GALNTL6: variants seen among roughly 807,000 people sequenced by gnomAD.
GALNTL6 encodes the protein polypeptide N-acetylgalactosaminyltransferase-like 6.
In GALNTL6, 46 loss-of-function variants were observed where a neutral mutation model predicts 73.7. The ratio of observed to expected loss-of-function variants is 0.62; its 90% CI spans 0.49 to 0.80. The LOEUF (loss-of-function observed/expected upper bound fraction) is 0.80. Among genes scored for constraint, GALNTL6 ranks in the 30% least tolerant of loss-of-function variants. The pLI is 0.00. For synonymous variants in GALNTL6, 259 were observed against 263.7 expected, an observed-to-expected ratio of 0.98 and a Z score of 0.17; for missense variants, 604 against 755.0, an observed-to-expected ratio of 0.80 and a Z score of 2.34.
chr4:172,915,204 G>C (rs1216086611), intron 8 of GALNTL6, among the ~76,000 whole-genome samples: 1 of 152,134 alleles, frequency 6.6e-6, no homozygotes, highest in Non-Finnish European at 1.5e-5. Flanking sequence ...AAACCAATGA[G>C]AACAAAGACA....
At chr4:172,719,352 C>A (rs1735309851) in intron 5 of GALNTL6, among the ~76,000 whole-genome samples, 1 of 152,114 alleles carries the variant, frequency 6.6e-6, no homozygotes, top group South Asian at 2.1e-4. Context: ...CAACCAAGAA[C>A]CAATTATAAT....
intron 5 of GALNTL6, among the ~76,000 whole-genome samples, chr4:172,635,498 C>CT (rs772843307): frequency 1.1e-4 from 17 of 152,026 alleles, no homozygotes; most frequent in Non-Finnish European, 2.2e-4. Context: ...ACCCATTAAT[C>CT]TGTCTTCCCC....
At chr4:172,776,924 A>T (rs1459058531) in intron 5 of GALNTL6, among the ~76,000 whole-genome samples, 1 of 152,168 alleles carries the variant, frequency 6.6e-6, no homozygotes, top group Non-Finnish European at 1.5e-5. Flanking sequence ...ACGCATTTCT[A>T]CTATAGTGGA....
intron 5 of GALNTL6, among the ~76,000 whole-genome samples, chr4:172,349,231 A>C (rs1240104220): frequency 2.0e-5 from 3 of 152,148 alleles, no homozygotes; most frequent in Non-Finnish European, 4.4e-5. Flanking sequence ...ATCTTACAAA[A>C]TTTAGCATAA....
intron 5 of GALNTL6, among the ~76,000 whole-genome samples, chr4:172,376,674 C>A (rs1171879066): frequency 6.6e-6 from 1 of 152,102 alleles, no homozygotes; most frequent in African/African-American, 2.4e-5. Context: ...ATGGTACTCA[C>A]CGCTTGGCGA....
intron 2 of GALNTL6, among the ~76,000 whole-genome samples, chr4:172,019,557 A>G (rs529788461): frequency 6.6e-6 from 1 of 152,272 alleles, no homozygotes; most frequent in Admixed American, 6.5e-5. Flanking sequence ...GACAAAAACT[A>G]TCAGAAAAGA....
chr4:172,658,466 C>CAAAA (rs1207091609), intron 5 of GALNTL6, among the ~76,000 whole-genome samples: 1 of 53,574 alleles, frequency 1.9e-5, no homozygotes, highest in African/African-American at 6.9e-5. Flanking sequence ...GACTCCGTCT[C>CAAAA]AAAAAAAAAA....
chr4:171,828,254 T>C (rs1734876488), intron 2 of GALNTL6, among the ~76,000 whole-genome samples: 1 of 152,184 alleles, frequency 6.6e-6, no homozygotes, highest in Non-Finnish European at 1.5e-5. Flanking sequence ...CTTAAAACAC[T>C]GTGCGATGCT....
rs139698573 is a variant in GALNTL6 at position 172,522,474 on chromosome 4, T to G, written c.553+173785T>G. Among the ~76,000 whole-genome samples the G allele has an allele frequency of 8.0e-3, 1,214 of 152,210 alleles. 7 individuals carry two copies. The highest frequency in any genetic ancestry group is 0.013 in the Non-Finnish European group (902 of 67,988). On this transcript the variant is annotated intron_variant, in intron 5 of 12. Transcript: ENST00000506823. ...TCACCTGAGGTTGGGATTTCGAGAT[T>G]AGCCTTACCAACATAGAGAAACCCT...
intron 2 of GALNTL6, among the ~76,000 whole-genome samples, chr4:171,830,697 T>C (rs928416062): frequency 2.0e-5 from 3 of 152,162 alleles, no homozygotes; most frequent in Non-Finnish European, 2.9e-5. Context: ...ATACTGAACA[T>C]TGTAAGATTT....
At chr4:172,727,811 TA>T (rs1159922820) in intron 5 of GALNTL6, among the ~76,000 whole-genome samples, 2 of 151,900 alleles carry the variant, frequency 1.3e-5, no homozygotes, top group Non-Finnish European at 1.5e-5. Context: ...AAAATGTTTT[TA>T]AATATTTTTC....
intron 2 of GALNTL6, among the ~76,000 whole-genome samples, chr4:172,110,202 C>T (rs1302261065): frequency 1.3e-5 from 2 of 152,038 alleles, no homozygotes; most frequent in Non-Finnish European, 1.5e-5. Flanking sequence ...GAGATGGGCT[C>T]AATGTTGGAT....
intron 5 of GALNTL6, among the ~76,000 whole-genome samples, chr4:172,788,084 G>C (rs1465262983): frequency 6.6e-6 from 1 of 152,152 alleles, no homozygotes; most frequent in Non-Finnish European, 1.5e-5. Context: ...GGTGGTGCAT[G>C]CCTGTAATCC....
rs188359649 is a variant in GALNTL6, at chr4:172,456,136, C to T, written c.553+107447C>T. On this transcript the variant is annotated intron_variant, in intron 5 of 12. Coordinates refer to ENST00000506823, the MANE Select transcript of GALNTL6 (RefSeq NM_001034845.3). ...GACTGTAAGAAGGAAAACTAACAAA[C>T]AGAAAGGAATAGCATCAACATCAAC... 2.3e-3 allele frequency among the ~76,000 whole-genome samples: 351 copies of T among 152,154 alleles called. 2 individuals are homozygous for T. Among genetic ancestry groups the T allele is most frequent in the Non-Finnish European group, 3.4e-3 (234 of 68,000 alleles).
At chr4:172,738,156 G>T (rs2111410007) in intron 5 of GALNTL6, among the ~76,000 whole-genome samples, 1 of 152,290 alleles carries the variant, frequency 6.6e-6, no homozygotes, top group East Asian at 1.9e-4. Flanking sequence ...CCAAGAAAAT[G>T]GGGAAATTTG....
chr4:172,700,224 C>T (rs1250906006), intron 5 of GALNTL6, among the ~76,000 whole-genome samples: 6 of 152,018 alleles, frequency 3.9e-5, no homozygotes, highest in African/African-American at 1.2e-4. Flanking sequence ...CCCTGTTTGA[C>T]TTTATTCTGG....
At chr4:172,669,368 C>T (rs1431995453) in intron 5 of GALNTL6, among the ~76,000 whole-genome samples, 3 of 152,132 alleles carry the variant, frequency 2.0e-5, no homozygotes, top group African/African-American at 4.8e-5. Context: ...AATAATCTAC[C>T]TCAAAATATA....
intron 5 of GALNTL6, among the ~76,000 whole-genome samples, chr4:172,489,945 G>T (rs1029908317): frequency 1.3e-5 from 2 of 152,280 alleles, no homozygotes; most frequent in South Asian, 2.1e-4. Flanking sequence ...TGAAAAAGAG[G>T]AGTTAAAATG....
At chr4:172,582,549 A>G (rs570485079) in intron 5 of GALNTL6, among the ~76,000 whole-genome samples, 55 of 152,328 alleles carry the variant, frequency 3.6e-4, no homozygotes, top group Non-Finnish European at 6.0e-4. Flanking sequence ...TAATTACTCC[A>G]TGACCCTTTT....
Sources: gnomAD v4.1 joint callset for allele counts (sites outside exome capture counted in the v4.1 genomes callset) on GRCh38, gnomAD v4.1.1 for gene constraint, MANE v1.5 for transcripts, NCBI Gene and HGNC (gene_info 2026-07-23, HGNC 2026-07-21) for gene names.